Variants in MAF observed in about 807,000 individuals in gnomAD.
MAF encodes the protein transcription factor Maf.
In MAF, 10 loss-of-function variants were observed where a neutral mutation model predicts 22.0. The observed-to-expected ratio is 0.45, with a 90% CI of 0.28 to 0.77. The LOEUF (loss-of-function observed/expected upper bound fraction) is 0.77. Ranked by LOEUF, MAF falls within the 30% of genes least tolerant of loss-of-function variation. MAF has a pLI of 0.12. For missense variants in MAF, 544 were observed against 548.4 expected (o/e 0.99, Z 0.08); for synonymous variants, 337 against 255.8 (o/e 1.32, Z -3.03).
At chr16:79,588,876 G>A (rs1913021955), downstream of MAF, among the ~76,000 whole-genome samples, 3 of 152,124 alleles carry the variant, frequency 2.0e-5, no homozygotes, top group Admixed American at 1.3e-4. Flanking sequence ...ATATATTGGA[G>A]TGAATGCCTG....
chr16:79,304,649 G>A, the MAF span, among the ~76,000 whole-genome samples: 3 of 152,122 alleles, frequency 2.0e-5, no homozygotes, highest in African/African-American at 7.2e-5. Flanking sequence ...ATGGTGGTGG[G>A]AGTTCTTAAA....
At chr16:79,531,438 T>C in the MAF span, among the ~76,000 whole-genome samples, 26 of 152,190 alleles carry the variant, frequency 1.7e-4, no homozygotes, top group African/African-American at 6.0e-4. Context: ...CATTACATTA[T>C]TGTGCATTTT....
the MAF span, among the ~76,000 whole-genome samples, chr16:79,459,137 A>G: frequency 6.6e-6 from 1 of 152,214 alleles, no homozygotes; most frequent in Non-Finnish European, 1.5e-5. Context: ...AGGATAGAAG[A>G]CAAGGAGCAG....
chr16:79,223,180 G>A, the MAF span, among the ~76,000 whole-genome samples: 2 of 152,178 alleles, frequency 1.3e-5, no homozygotes, highest in African/African-American at 4.8e-5. Context: ...AGACCACAGT[G>A]CAATCATATT....
the MAF span, among the ~76,000 whole-genome samples, chr16:79,284,111 T>C: frequency 6.6e-6 from 1 of 152,164 alleles, no homozygotes; most frequent in Non-Finnish European, 1.5e-5. Context: ...GTGCTAGAAA[T>C]TGCTGGTATT....
At chr16:79,233,716 G>A in the MAF span, among the ~76,000 whole-genome samples, 1 of 152,002 alleles carries the variant, frequency 6.6e-6, no homozygotes, top group East Asian at 1.9e-4. Context: ...ATATATAGCT[G>A]GGCACAGTGG....
chr16:79,466,845 A>G, the MAF span, among the ~76,000 whole-genome samples: 1 of 152,186 alleles, frequency 6.6e-6, no homozygotes, highest in African/African-American at 2.4e-5. Flanking sequence ...CCTGCCCGCG[A>G]CACCAAAGTG....
At chr16:79,539,770 G>A in the MAF span, among the ~76,000 whole-genome samples, 1 of 152,178 alleles carries the variant, frequency 6.6e-6, no homozygotes, top group African/African-American at 2.4e-5. Flanking sequence ...GTGCTAAACG[G>A]AAAAATGCAA....
chr16:79,476,385 C>T, the MAF span, among the ~76,000 whole-genome samples: 1 of 152,182 alleles, frequency 6.6e-6, no homozygotes, highest in Non-Finnish European at 1.5e-5. Flanking sequence ...TGATTTGCTA[C>T]ACAGCAATAG....
At chr16:79,215,615 G>C in the MAF span, among the ~76,000 whole-genome samples, 1 of 152,126 alleles carries the variant, frequency 6.6e-6, no homozygotes, top group Admixed American at 6.5e-5. Context: ...CACATCTGCA[G>C]GCTGACAACA....
the MAF span, among the ~76,000 whole-genome samples, chr16:79,227,382 G>A: frequency 6.6e-6 from 1 of 152,064 alleles, no homozygotes; most frequent in Non-Finnish European, 1.5e-5. Context: ...AAAACAACTG[G>A]CTGGTTGTCT....
At chr16:79,212,290 C>A in the MAF span, 1 of 1,064,096 alleles carries the variant, frequency 9.4e-7, no homozygotes, top group Non-Finnish European at 1.3e-6. Flanking sequence ...ACTGAGCCAG[C>A]TTAGCAACTG....
the MAF span, among the ~76,000 whole-genome samples, chr16:79,512,592 C>T: frequency 2.0e-5 from 3 of 152,184 alleles, no homozygotes; most frequent in South Asian, 4.2e-4. Context: ...TCCTTCTGCC[C>T]GGCAGTTGGG....
At chr16:79,407,076 G>T in the MAF span, among the ~76,000 whole-genome samples, 1 of 152,212 alleles carries the variant, frequency 6.6e-6, no homozygotes, top group African/African-American at 2.4e-5. Context: ...GTGCTAATAT[G>T]CGAGGTTGGC....
the MAF span, among the ~76,000 whole-genome samples, chr16:79,230,150 A>T: frequency 6.6e-6 from 1 of 152,108 alleles, no homozygotes; most frequent in Admixed American, 6.6e-5. Flanking sequence ...TATCTTTGAG[A>T]AACATTTCTG....
chr16:79,344,186 A>G, the MAF span, among the ~76,000 whole-genome samples: 317 of 152,314 alleles, frequency 2.1e-3, no homozygotes, highest in African/African-American at 7.4e-3. Context: ...AATTGCATCT[A>G]TACTGCTCAA....
chr16:79,418,205 A>G, the MAF span, among the ~76,000 whole-genome samples: 96 of 152,304 alleles, frequency 6.3e-4, no homozygotes, highest in East Asian at 0.016. Flanking sequence ...TTGAGAGACC[A>G]TCTTCTCGTG....
At chr16:79,269,923 C>A in the MAF span, among the ~76,000 whole-genome samples, 1 of 152,170 alleles carries the variant, frequency 6.6e-6, no homozygotes, top group African/African-American at 2.4e-5. Flanking sequence ...AAATCCCAAA[C>A]CTAGAAGCAA....
At chr16:79,443,111 G>C in the MAF span, among the ~76,000 whole-genome samples, 1 of 152,152 alleles carries the variant, frequency 6.6e-6, no homozygotes, top group African/African-American at 2.4e-5. Flanking sequence ...TTCAAATAAA[G>C]ATAATTCTAA....
Sources: gnomAD v4.1 joint callset for allele counts (sites outside exome capture counted in the v4.1 genomes callset) on GRCh38, gnomAD v4.1.1 for gene constraint, MANE v1.5 for transcripts, NCBI Gene and HGNC (gene_info 2026-07-23, HGNC 2026-07-21) for gene names.